The following MORC3 variants were observed in gnomAD, a reference collection of about 807,000 sequenced individuals.
The protein encoded by MORC3 is MORC family CW-type zinc finger protein 3.
Under a neutral mutation model 109.1 loss-of-function variants are expected in MORC3, and 31 were observed. That is an observed-to-expected ratio of 0.28 (90% CI 0.21 to 0.38). The LOEUF (loss-of-function observed/expected upper bound fraction) is 0.38, where lower values mean the gene tolerates loss of function less well. MORC3 is among the 10% of genes least tolerant of loss of function. The probability of loss-of-function intolerance (pLI) is 1.00; values close to 1 mark genes in which losing one functional copy is unlikely to be tolerated. For synonymous variants in MORC3, 395 were observed against 380.7 expected (o/e 1.04, Z -0.44); for missense variants, 867 against 1,135.8 (o/e 0.76, Z 3.40).
chr21:36,369,705 A>C lies in MORC3; in HGVS notation c.2337A>C (p.Glu779Asp), dbSNP rs557899937. The change falls in exon 15 of 17, where the codon GAA becomes GAC. Residue 779 changes from glutamate (E) to aspartate (D), a missense_variant. By Grantham distance (45) the Glu-to-Asp change is conservative (BLOSUM62 2). This residue lies in a region of MORC3 where 486 missense variants were observed against 502.1 expected (regional missense o/e 0.97). Coordinates refer to ENST00000400485, the MANE Select transcript of MORC3 (RefSeq NM_015358.3). ...MVSQYQQALE[E>D]IERLKKQCSA... ...CTCAGTATCAGCAAGCTTTGGAAGA[A>C]ATAGAAAGGCTGAAAAAACAATGTA... 2 of 1,614,210 alleles carry C rather than the reference A, an allele frequency of 1.2e-6. No homozygotes were observed. The highest frequency in any genetic ancestry group is 2.2e-5 in the South Asian group (2 of 91,082).
chr21:36,320,865 C>T (rs1172787943), intron 1 of MORC3, among the ~76,000 whole-genome samples: 1 of 152,222 alleles, frequency 6.6e-6, no homozygotes, highest in Non-Finnish European at 1.5e-5. Flanking sequence ...TCGAGCTCTC[C>T]TCTTTATCCC....
intron 7 of MORC3, 69 bp downstream of exon 7, chr21:36,344,776 A>T (rs1033526137): frequency 1.0e-5 from 16 of 1,591,188 alleles, no homozygotes; most frequent in Non-Finnish European, 1.2e-5. Context: ...CTTTCCCCTT[A>T]TATGCTGATA....
intron 8 of MORC3, chr21:36,347,945 G>C (rs145016723): frequency 1.3e-5 from 2 of 152,328 alleles, no homozygotes; most frequent in Non-Finnish European, 2.9e-5. Flanking sequence ...TGTTATTACT[G>C]TAGTTTAAAA....
In MORC3 at chr21:36,372,481, T is replaced by C; in HGVS notation, c.2616T>C (p.Val872=). The change falls in exon 16 of 17, where the codon GTT becomes GTC. Residue 872 remains valine (V), a synonymous_variant. Transcript: ENST00000400485. ...KSTNQQTATD[V]STSSNIEESV... Reference sequence around the variant, plus strand: ...CAAATCAACAGACGGCAACAGATGTTTCAACATCAAGTAACATTGAGGAGT... The same window carrying C: ...CAAATCAACAGACGGCAACAGATGTCTCAACATCAAGTAACATTGAGGAGT... 6.2e-7 allele frequency: 1 copy of C among 1,607,196 alleles called. No individual in the cohort carries two copies. Among genetic ancestry groups the C allele is most frequent in the Non-Finnish European group, 8.5e-7 (1 of 1,178,648 alleles).
chr21:36,375,003 T>G, intron 16 of MORC3, 140 bp from the exon 17 acceptor site: 1 of 795,364 alleles, frequency 1.3e-6, no homozygotes, highest in East Asian at 2.9e-5. Flanking sequence ...AATTGAGTTC[T>G]CTAGGGGAGG....
At position 36,364,076 on chromosome 21, in the gene MORC3, A is replaced by G; in HGVS notation, c.1453-17A>G. ...TAGAAATAGTTCCTTTAAGGTGATGATTTTTCCCTCCAACAGATTAATGCT... is the reference window on the plus strand; with the variant it reads ...TAGAAATAGTTCCTTTAAGGTGATGGTTTTTCCCTCCAACAGATTAATGCT... On this transcript the variant is annotated splice_polypyrimidine_tract_variant and intron_variant, in intron 13 of 16. Transcript: ENST00000400485. 1 of 1,608,270 alleles carries G rather than the reference A, an allele frequency of 6.2e-7. No individual in the cohort carries two copies. Among genetic ancestry groups the G allele is most frequent in the Non-Finnish European group, 8.5e-7 (1 of 1,177,666 alleles).
intron 2 of MORC3, 148 bp downstream of exon 2, chr21:36,333,866 T>C: frequency 1.5e-6 from 1 of 646,720 alleles, no homozygotes; most frequent in Non-Finnish European, 2.6e-6. Context: ...CACTGCAAGC[T>C]CTGCCTCCTG....
At chr21:36,349,249 G>T (rs906544538) in intron 8 of MORC3, 62 bp from the exon 9 acceptor site, 1 of 983,240 alleles carries the variant, frequency 1.0e-6, no homozygotes, top group Admixed American at 2.1e-5. Flanking sequence ...AATTCTTTAA[G>T]GGTAATTATT....
chr21:36,326,385 G>T (rs956398053), intron 1 of MORC3, among the ~76,000 whole-genome samples: 2 of 151,892 alleles, frequency 1.3e-5, no homozygotes, highest in African/African-American at 4.8e-5. Context: ...AATTAGCCGG[G>T]CATGGTGACA....
intron 10 of MORC3, among the ~76,000 whole-genome samples, chr21:36,358,452 A>G (rs911167861): frequency 5.9e-5 from 9 of 151,984 alleles, no homozygotes; most frequent in Non-Finnish European, 1.2e-4. Context: ...TGAAGTTTTC[A>G]TATGTAAAAT....
chr21:36,340,751 C>T (rs994060764), intron 5 of MORC3, among the ~76,000 whole-genome samples: 2 of 151,844 alleles, frequency 1.3e-5, no homozygotes, highest in Non-Finnish European at 2.9e-5. Context: ...ATTCTGCTGC[C>T]TCATCCTCCC....
intron 15 of MORC3, 116 bp downstream of exon 15, chr21:36,369,992 C>G: frequency 8.2e-7 from 1 of 1,226,968 alleles, no homozygotes; most frequent in East Asian, 2.3e-5. Flanking sequence ...TTGGGGAGGC[C>G]AAGGCGGGTG....
rs561664732 is a variant in MORC3, at chr21:36,365,895, T to C, written c.1619+1636T>C. ...CAGCACCCGGCCAGTTTGCTCTTTA[T>C]AACCTGTGTATTGGACACTCATTTT... is the stretch of plus-strand genomic sequence containing the variant. On this transcript the variant is annotated intron_variant, in intron 14 of 16. Coordinates refer to ENST00000400485, the MANE Select transcript of MORC3 (RefSeq NM_015358.3). Among the ~76,000 whole-genome samples, 30 of 152,338 alleles carry C rather than the reference T, an allele frequency of 2.0e-4. 2 individuals are homozygous for C. In the South Asian group the frequency reaches 5.6e-3, roughly 28 times the overall value.
At chr21:36,372,076 G>A (rs182701985) in intron 15 of MORC3, among the ~76,000 whole-genome samples, 318 of 152,148 alleles carry the variant, frequency 2.1e-3, no homozygotes, top group African/African-American at 7.0e-3. Context: ...GCCTCCCAAA[G>A]TGCTGGGATT....
intron 6 of MORC3, among the ~76,000 whole-genome samples, chr21:36,342,767 C>G (rs1400715863): frequency 6.6e-6 from 1 of 151,802 alleles, no homozygotes; most frequent in Non-Finnish European, 1.5e-5. Context: ...ACATGTAATC[C>G]CAGCACTTTG....
intron 1 of MORC3, among the ~76,000 whole-genome samples, chr21:36,328,769 G>A (rs1269939621): frequency 6.6e-6 from 1 of 152,026 alleles, no homozygotes; most frequent in African/African-American, 2.4e-5. Flanking sequence ...GAGCCACTGG[G>A]CCCAGTCTGT....
chr21:36,321,702 T>C (rs2085195537), intron 1 of MORC3, among the ~76,000 whole-genome samples: 1 of 152,086 alleles, frequency 6.6e-6, no homozygotes, highest in Non-Finnish European at 1.5e-5. Context: ...CTTTTCCCCC[T>C]CTCTTTCCCC....
At chr21:36,339,072 T>G in intron 5 of MORC3, 151 bp downstream of exon 5, 1 of 898,656 alleles carries the variant, frequency 1.1e-6, no homozygotes, top group Non-Finnish European at 1.6e-6. Context: ...GCCCAGGATA[T>G]GTTATAGAGG....
Position 36,345,000 on chromosome 21 carries a change from A to G in MORC3, c.974A>G (p.Lys325Arg). 1 of 1,604,870 alleles carries G rather than the reference A, an allele frequency of 6.2e-7. No homozygotes were observed. Among genetic ancestry groups the G allele is most frequent in the South Asian group, 1.1e-5 (1 of 88,088 alleles). ...ATGTATCACAGAAATAGACTCATCA[A>G]AGCTTATGAAAAAGTTGGATGTCAG... Reference protein sequence around the residue: ...IMMYHRNRLIKAYEKVGCQLR... With the variant: ...IMMYHRNRLIRAYEKVGCQLR... Residue 325 changes from lysine (K) to arginine (R), a missense_variant, in exon 8 of 17, where the codon AAA becomes AGA. By Grantham distance (26) the Lys-to-Arg change is conservative (BLOSUM62 2). Transcript: ENST00000400485.
Sources: allele counts gnomAD v4.1 joint callset (sites outside exome capture counted in the v4.1 genomes callset), GRCh38; gene constraint gnomAD v4.1.1; regional missense constraint gnomAD v4.1.1; transcripts MANE v1.5; gene names NCBI Gene and HGNC (gene_info 2026-07-23, HGNC 2026-07-21).